The following PAN3 variants were observed in gnomAD, a reference collection of about 807,000 sequenced individuals.
PAN3 encodes PAN2-PAN3 deadenylation complex subunit PAN3.
Under a neutral mutation model 96.2 loss-of-function variants are expected in PAN3, and 19 were observed. That is an observed-to-expected ratio of 0.20 (90% CI 0.14 to 0.29). PAN3 has a LOEUF of 0.29. PAN3 is among the 10% of genes least tolerant of loss of function. The pLI, the probability that PAN3 is intolerant of heterozygous loss-of-function variation, is 1.00. For synonymous variants in PAN3, 433 were observed against 406.6 expected (o/e 1.06, Z -0.78); for missense variants, 882 against 1,108.1 (o/e 0.80, Z 2.90).
intron 9 of PAN3, among the ~76,000 whole-genome samples, chr13:28,263,299 GA>G (rs574476566): frequency 1.9e-3 from 296 of 152,292 alleles, no homozygotes; most frequent in African/African-American, 6.7e-3. Flanking sequence ...TGGGGGAAAA[GA>G]AAGCATTGGA....
At position 28,139,598 on chromosome 13, in the gene PAN3, TGAAA is replaced by T. The variant is rs568646991; in HGVS notation, c.430+515_430+518del. On this transcript the variant is annotated intron_variant, in intron 1 of 18. Transcript: ENST00000380958. ...GGGCTTAAGGCTTCGTGGAGTAGGTTGAAAGAACGGAAAAAGTTTGTAGAAGGCT... is the reference window on the plus strand; with the variant it reads ...GGGCTTAAGGCTTCGTGGAGTAGGTTGAACGGAAAAAGTTTGTAGAAGGCT... Among the ~76,000 whole-genome samples, 3 of 149,782 alleles carry T rather than the reference TGAAA, an allele frequency of 2.0e-5. No individual in the cohort carries two copies. In the South Asian group the frequency reaches 6.3e-4, roughly 31 times the overall value.
In PAN3 at chr13:28,294,410, CA is replaced by C. The variant is rs1870104306; in HGVS notation, c.*1894del. On this transcript the variant is annotated 3_prime_UTR_variant, in exon 19 of 19. Transcript: ENST00000380958. Reference sequence around the variant, plus strand: ...ACAAATCATATTGTATTCTTTTGTACAAAAAAGAACTACTTGTATTCTAGAA... The same window carrying C: ...ACAAATCATATTGTATTCTTTTGTACAAAAAGAACTACTTGTATTCTAGAA... 6.6e-6 allele frequency: 1 copy of C among 152,290 alleles called. No homozygotes were observed. The highest frequency in any genetic ancestry group is 1.5e-5 in the Non-Finnish European group (1 of 67,962). The allele number at this position is 152,290 out of a possible 1,614,324, so 9.4% of individuals were successfully genotyped here.
chr13:28,261,469 A>G lies in PAN3; in HGVS notation c.1411+11A>G. On this transcript the variant is annotated intron_variant, in intron 9 of 18. Transcript: ENST00000380958. The stretch of plus-strand genomic sequence containing the variant: ...AAGCAGATATGCCAGGTAAAAAGCA[A>G]GTTGATCCTTCCTTTCTTTTAAAGG... 6.2e-7 allele frequency: 1 copy of G among 1,605,028 alleles called. No individual in the cohort carries two copies. The highest frequency in any genetic ancestry group is 8.5e-7 in the Non-Finnish European group (1 of 1,174,220).
rs1367026084 is a variant in PAN3, at chr13:28,225,489, T to C, written c.1000+5111T>C. 3.3e-5 allele frequency among the ~76,000 whole-genome samples: 5 copies of C among 152,322 alleles called. No homozygotes were observed. The Middle Eastern group carries it at 0.01, about 311-fold the overall frequency. On this transcript the variant is annotated intron_variant, in intron 6 of 18. Transcript: ENST00000380958. ...GTTGGATTAGGCAATAACATGATAT[T>C]GGTTATTGATTTAAGTGGAACCTTT...
intron 1 of PAN3, among the ~76,000 whole-genome samples, chr13:28,152,908 T>C (rs2137978604): frequency 6.6e-6 from 1 of 152,328 alleles, no homozygotes; most frequent in South Asian, 2.1e-4. Flanking sequence ...CTAGTGTTTG[T>C]GTGGGTATGG....
intron 6 of PAN3, among the ~76,000 whole-genome samples, chr13:28,227,762 TAAGA>T (rs1882155311): frequency 6.6e-6 from 1 of 152,216 alleles, no homozygotes; most frequent in Non-Finnish European, 1.5e-5. Context: ...GTACTAGACT[TAAGA>T]AAGATTTTAG....
At chr13:28,194,386 A>T (rs2138213673) in intron 4 of PAN3, among the ~76,000 whole-genome samples, 1 of 150,104 alleles carries the variant, frequency 6.7e-6, no homozygotes, top group African/African-American at 2.4e-5. Flanking sequence ...AAATTTTCTT[A>T]AATTTACATA....
At chr13:28,184,189 G>C (rs1876161433) in intron 4 of PAN3, among the ~76,000 whole-genome samples, 1 of 152,106 alleles carries the variant, frequency 6.6e-6, no homozygotes, top group African/African-American at 2.4e-5. Context: ...CAACATAATT[G>C]CAGACAGATA....
rs746350264 is a variant in PAN3, at chr13:28,138,915, C to T, written c.258C>T (p.Val86=). ...GCCTCGGCCTCCATAGCAACAGCGT[C>T]CCCCTGGCTCTGGCTGGTGCACCCG... ...APGLGLHSNS[V]PLALAGAPVA... The change falls in exon 1 of 19, where the codon GTC becomes GTT. Residue 86 remains valine, a synonymous_variant. Transcript: ENST00000380958. 3.1e-5 allele frequency: 43 copies of T among 1,371,552 alleles called. No homozygotes were observed. In the South Asian group the frequency reaches 6.5e-4, roughly 21 times the overall value. The allele number at this position is 1,371,552 out of a possible 1,614,324, so 85.0% of individuals were successfully genotyped here. A position where few individuals can be genotyped will look rare whatever the true frequency, so the allele number is the denominator to read the frequency against.
At chr13:28,249,713 G>A (rs1208127605) in intron 6 of PAN3, among the ~76,000 whole-genome samples, 3 of 152,176 alleles carry the variant, frequency 2.0e-5, no homozygotes, top group East Asian at 1.9e-4. Context: ...GCCTCCCAAA[G>A]TGTAGGGATT....
chr13:28,275,177 T>A (rs1473066193), intron 14 of PAN3, among the ~76,000 whole-genome samples: 1 of 152,194 alleles, frequency 6.6e-6, no homozygotes, highest in Non-Finnish European at 1.5e-5. Flanking sequence ...TCTTAAGATT[T>A]TATTAACTTC....
intron 2 of PAN3, among the ~76,000 whole-genome samples, chr13:28,176,200 A>G (rs1874959915): frequency 6.6e-6 from 1 of 152,216 alleles, no homozygotes; most frequent in Admixed American, 6.5e-5. Flanking sequence ...TGTTTTACAG[A>G]CAAGGAAACT....
intron 6 of PAN3, among the ~76,000 whole-genome samples, chr13:28,241,164 G>GGC: frequency 6.6e-6 from 1 of 152,190 alleles, no homozygotes; most frequent in East Asian, 1.9e-4. Flanking sequence ...GGGAGGCTGA[G>GGC]GCAGTATATG....
At position 28,267,876 on chromosome 13, in the gene PAN3, G is replaced by A. The variant is rs45606738; in HGVS notation, c.1792+475G>A. On this transcript the variant is annotated intron_variant, in intron 12 of 18. Coordinates refer to ENST00000380958, the MANE Select transcript of PAN3 (RefSeq NM_175854.8). Reference sequence around the variant, plus strand: ...TTCAAAATGAGATTTGGGTGGGGACGCAGCCAAACCATATCACATTTTAAA... The same window carrying A: ...TTCAAAATGAGATTTGGGTGGGGACACAGCCAAACCATATCACATTTTAAA... 9.9e-3 allele frequency among the ~76,000 whole-genome samples: 1,501 copies of A among 152,214 alleles called. 20 individuals are homozygous for A. Among genetic ancestry groups the A allele is most frequent in the African/African-American group, 0.035 (1,433 of 41,532 alleles).
At position 28,138,562 on chromosome 13, in the gene PAN3, T is replaced by C. The variant is rs1031667591; in HGVS notation, c.-96T>C. On this transcript the variant is annotated 5_prime_UTR_variant, in exon 1 of 19. Transcript: ENST00000380958. ...ACAGACCCACCCGCCCAGGCTTTTA[T>C]CCGGCACCGGCAGCGTCTTCCTTTC... 7.6e-6 allele frequency: 3 copies of C among 396,324 alleles called. No individual in the cohort carries two copies. The highest frequency in any genetic ancestry group is 9.0e-6 in the Non-Finnish European group (2 of 223,216). 24.6% of individuals were successfully genotyped at this position (396,324 alleles called of 1,614,324 possible).
intron 7 of PAN3, among the ~76,000 whole-genome samples, chr13:28,257,516 G>C (rs116373787): frequency 6.2e-4 from 94 of 150,936 alleles, no homozygotes; most frequent in African/African-American, 2.2e-3. Flanking sequence ...AGTAAGTGAA[G>C]TTTCATCCGT....
chr13:28,156,804 G>A (rs1409320386), intron 1 of PAN3, among the ~76,000 whole-genome samples: 1 of 152,044 alleles, frequency 6.6e-6, no homozygotes, highest in African/African-American at 2.4e-5. Context: ...ACCAGCCTGT[G>A]TAACATGGTG....
At chr13:28,250,440 A>G (rs950916973) in intron 6 of PAN3, among the ~76,000 whole-genome samples, 3 of 152,098 alleles carry the variant, frequency 2.0e-5, no homozygotes, top group African/African-American at 7.2e-5. Context: ...ACCTCTGCTC[A>G]CTGCAACCTC....
intron 17 of PAN3, among the ~76,000 whole-genome samples, chr13:28,282,300 TA>T (rs1887538964): frequency 6.6e-6 from 1 of 151,664 alleles, no homozygotes; most frequent in South Asian, 2.1e-4. Context: ...GATTTGTTAA[TA>T]GAGATAGGTG....
Sources: allele counts gnomAD v4.1 joint callset (sites outside exome capture counted in the v4.1 genomes callset), GRCh38; gene constraint gnomAD v4.1.1; transcripts MANE v1.5; gene names NCBI Gene and HGNC (gene_info 2026-07-23, HGNC 2026-07-21).